The following NUDCD3 variants were observed in gnomAD, a reference collection of about 807,000 sequenced individuals.
The protein encoded by NUDCD3 is nudC domain-containing protein 3.
In NUDCD3, 13 loss-of-function variants were observed where a neutral mutation model predicts 39.7. The observed-to-expected ratio is 0.33, with a 90% CI of 0.21 to 0.52. NUDCD3 has a LOEUF of 0.52. Among genes scored for constraint, NUDCD3 ranks in the 20% least tolerant of loss-of-function variants. The probability of loss-of-function intolerance (pLI) is 0.96; values close to 1 mark genes in which losing one functional copy is unlikely to be tolerated. For missense variants in NUDCD3, 453 were observed against 458.1 expected, an observed-to-expected ratio of 0.99 and a Z score of 0.10; for synonymous variants, 175 against 172.4, an observed-to-expected ratio of 1.02 and a Z score of -0.12.
chr7:44,388,065 G>A (rs1284064856), intron 5 of NUDCD3, among the ~76,000 whole-genome samples: 1 of 152,190 alleles, frequency 6.6e-6, no homozygotes, highest in Non-Finnish European at 1.5e-5. Context: ...TTTGGAAAAA[G>A]GTTAGTGACA....
rs576551663 is a variant in NUDCD3 at position 44,389,769 on chromosome 7, G to T, written c.975+2528C>A. Among the ~76,000 whole-genome samples, 3 of 152,204 alleles carry T rather than the reference G, an allele frequency of 2.0e-5. No homozygotes were observed. In the South Asian group the frequency reaches 6.2e-4, roughly 32 times the overall value. The stretch of plus-strand genomic sequence containing the variant: ...GGTGTTGGCACAGAACATAAAGGAT[G>T]GGGGAAAGAGACTGAGAGGAAGGTC... On this transcript the variant is annotated intron_variant, in intron 5 of 5. Coordinates refer to ENST00000355451, the MANE Select transcript of NUDCD3 (RefSeq NM_015332.4).
At chr7:44,466,384 T>G (rs1800119140) in intron 2 of NUDCD3, among the ~76,000 whole-genome samples, 1 of 152,184 alleles carries the variant, frequency 6.6e-6, no homozygotes, top group South Asian at 2.1e-4. Flanking sequence ...CAGGGAGGTA[T>G]GTACATGGGG....
At chr7:44,396,087 TTGTGTGTGTGTGTGTG>T (rs10585173) in intron 4 of NUDCD3, among the ~76,000 whole-genome samples, 6 of 144,906 alleles carry the variant, frequency 4.1e-5, no homozygotes, top group South Asian at 2.2e-4. Flanking sequence ...TTATCTTCTG[TTGTGTGTGTGTGTGTG>T]TGTGTGTGTG....
rs544666993 is a variant in NUDCD3 at position 44,453,830 on chromosome 7, G to C, written c.510-26127C>G. ...AGGCCAAGGGAGTAGGATTGCTTGA[G>C]CCCAGGAGTTCAAGACCAGCCTGAG... On this transcript the variant is annotated intron_variant, in intron 2 of 5. Transcript: ENST00000355451. Among the ~76,000 whole-genome samples the C allele has an allele frequency of 2.0e-5, 3 of 151,982 alleles. No individual in the cohort carries two copies. The South Asian group carries it at 6.2e-4, about 32-fold the overall frequency.
At chr7:44,425,100 C>T (rs1402068151) in intron 3 of NUDCD3, among the ~76,000 whole-genome samples, 1 of 152,052 alleles carries the variant, frequency 6.6e-6, no homozygotes, top group Non-Finnish European at 1.5e-5. Context: ...AATGAAAACA[C>T]ATGGACACAG....
At chr7:44,475,779 G>A (rs761065048) in intron 2 of NUDCD3, among the ~76,000 whole-genome samples, 1 of 151,626 alleles carries the variant, frequency 6.6e-6, no homozygotes, top group Non-Finnish European at 1.5e-5. Flanking sequence ...AAAAGAAAAG[G>A]GAAGAGGAAA....
intron 2 of NUDCD3, among the ~76,000 whole-genome samples, chr7:44,474,387 A>G (rs573279245): frequency 7.6e-4 from 116 of 152,298 alleles, no homozygotes; most frequent in African/African-American, 2.6e-3. Context: ...TCAATTCCCA[A>G]TAACTCTCTG....
At chr7:44,421,391 T>C (rs1449896485) in intron 3 of NUDCD3, among the ~76,000 whole-genome samples, 2 of 137,074 alleles carry the variant, frequency 1.5e-5, no homozygotes, top group African/African-American at 5.5e-5. Context: ...TCAAAATCCA[T>C]CAGTGTGCTG....
chr7:44,395,674 ATC>A (rs1798610581), intron 4 of NUDCD3, among the ~76,000 whole-genome samples: 1 of 152,182 alleles, frequency 6.6e-6, no homozygotes, highest in African/African-American at 2.4e-5. Context: ...TAATACAGTT[ATC>A]TGTTTGTTTT....
In NUDCD3 at chr7:44,386,017, C is replaced by A. The variant is rs201868328; in HGVS notation, c.1080G>T (p.Gln360His). ...AMFNISPGAV[Q>H]F is the part of the protein sequence containing the mutation. ...TTTCCTTTCCTTCTGGTCATTAAAA[C>A]TGCACAGCCCCCGGGGAGATGTTGA... Residue 360 changes from glutamine to histidine, a missense_variant, in exon 6 of 6, where the codon CAG (glutamine) becomes CAT (histidine). Transcript: ENST00000355451. 3.3e-6 allele frequency: 5 copies of A among 1,501,694 alleles called. No homozygotes were observed. Among genetic ancestry groups the A allele is most frequent in the Non-Finnish European group, 4.6e-6 (5 of 1,077,440 alleles). 93.0% of individuals were successfully genotyped at this position (1,501,694 alleles called of 1,614,324 possible).
At chr7:44,406,865 G>A (rs1271848533) in intron 3 of NUDCD3, among the ~76,000 whole-genome samples, 1 of 152,188 alleles carries the variant, frequency 6.6e-6, no homozygotes, top group Non-Finnish European at 1.5e-5. Flanking sequence ...AAATCCTATA[G>A]GGTAGGAGAC....
chr7:44,443,676 A>G (rs1283002557), intron 2 of NUDCD3, among the ~76,000 whole-genome samples: 2 of 152,104 alleles, frequency 1.3e-5, no homozygotes, highest in Non-Finnish European at 2.9e-5. Context: ...CTCCTTCTAA[A>G]TGCTGGGATT....
chr7:44,465,037 T>C (rs899020693), intron 2 of NUDCD3, among the ~76,000 whole-genome samples: 2 of 152,162 alleles, frequency 1.3e-5, no homozygotes, highest in African/African-American at 4.8e-5. Flanking sequence ...CTGACACATG[T>C]GCTCTGCTCC....
At chr7:44,478,973 G>A (rs760664195) in intron 2 of NUDCD3, among the ~76,000 whole-genome samples, 9 of 152,158 alleles carry the variant, frequency 5.9e-5, no homozygotes, top group Non-Finnish European at 8.8e-5. Flanking sequence ...CAGCATGGCT[G>A]GGGAGGCCTC....
intron 1 of NUDCD3, among the ~76,000 whole-genome samples, chr7:44,489,113 C>T (rs1348416613): frequency 1.3e-5 from 2 of 152,180 alleles, no homozygotes; most frequent in South Asian, 2.1e-4. Context: ...TTCAGCTCTA[C>T]GGTGAACTGG....
rs778481864 is a variant in NUDCD3, at chr7:44,485,130, A to G, written c.347T>C (p.Ile116Thr). 1.2e-6 allele frequency: 2 copies of G among 1,614,074 alleles called. No homozygotes were observed. Among genetic ancestry groups the G allele is most frequent in the Non-Finnish European group, 1.7e-6 (2 of 1,180,024 alleles). ...KEPVPVPVQE[I>T]EIDSTTELDG... ...CAATTCTGTGGTGGAGTCAATCTCT[A>G]TTTCCTGGACTGGAACTGGGACTGG... The change falls in exon 2 of 6, where the codon ATA becomes ACA. Residue 116 changes from isoleucine to threonine, a missense_variant. By Grantham distance (89) the Ile-to-Thr change is moderately conservative. Coordinates refer to ENST00000355451, the MANE Select transcript of NUDCD3 (RefSeq NM_015332.4).
chr7:44,439,793 C>A (rs560489351), intron 2 of NUDCD3, among the ~76,000 whole-genome samples: 2 of 152,038 alleles, frequency 1.3e-5, no homozygotes, highest in South Asian at 4.2e-4. Flanking sequence ...GGGAAGGGGA[C>A]AAATCTTCCT....
At chr7:44,477,927 G>A (rs902112516) in intron 2 of NUDCD3, among the ~76,000 whole-genome samples, 3 of 149,010 alleles carry the variant, frequency 2.0e-5, no homozygotes, top group African/African-American at 5.0e-5. Context: ...TCCACCTCCC[G>A]GGTTCATGCA....
At chr7:44,488,014 C>T (rs1381870272) in intron 1 of NUDCD3, among the ~76,000 whole-genome samples, 1 of 151,452 alleles carries the variant, frequency 6.6e-6, no homozygotes, top group Non-Finnish European at 1.5e-5. Flanking sequence ...CTGATCTACC[C>T]AACCAAAATA....
Sources: allele counts gnomAD v4.1 joint callset (sites outside exome capture counted in the v4.1 genomes callset), GRCh38; gene constraint gnomAD v4.1.1; transcripts MANE v1.5; gene names NCBI Gene and HGNC (gene_info 2026-07-23, HGNC 2026-07-21).